Variants in CFAP61 observed in about 807,000 individuals in gnomAD.
The protein encoded by CFAP61 is cilia- and flagella-associated protein 61.
A neutral mutation model predicts 135.6 loss-of-function variants in CFAP61; 107 were observed. That is an observed-to-expected ratio of 0.79 (90% CI 0.67 to 0.93). The LOEUF (loss-of-function observed/expected upper bound fraction) is 0.93. Among genes scored for constraint, CFAP61 ranks in the 40% least tolerant of loss-of-function variants. The pLI, the probability that CFAP61 is intolerant of heterozygous loss-of-function variation, is 0.00. For synonymous variants in CFAP61, 575 were observed against 578.5 expected (o/e 0.99, Z 0.09); for missense variants, 1,507 against 1,556.2 (o/e 0.97, Z 0.53).
chr20:20,076,355 G>A (rs1365751693), intron 6 of CFAP61, among the ~76,000 whole-genome samples: 1 of 152,172 alleles, frequency 6.6e-6, no homozygotes, highest in Non-Finnish European at 1.5e-5. Flanking sequence ...CAAGGGGAGG[G>A]GTGGTTGACA....
At chr20:20,196,344 A>G (rs2056286758) in intron 15 of CFAP61, among the ~76,000 whole-genome samples, 1 of 152,216 alleles carries the variant, frequency 6.6e-6, no homozygotes, top group East Asian at 1.9e-4. Context: ...GCACATTACA[A>G]GCTGTGCTGC....
At position 20,067,761 on chromosome 20, in the gene CFAP61, TTATATATGTATTTATTA is replaced by T. The variant is rs1428694026; in HGVS notation, c.144-3085_144-3069del. 3.9e-5 allele frequency among the ~76,000 whole-genome samples: 4 copies of T among 103,350 alleles called. No homozygotes were observed. The East Asian group carries it at 1.0e-3, about 27-fold the overall frequency. 67.8% of individuals were successfully genotyped at this position (103,350 alleles called of 152,430 possible). ...TTATATATAATATATATTTATATTA[TTATATATGTATTTATTA>T]TATATATATATATACCTACCTTCTC... On this transcript the variant is annotated intron_variant, in intron 2 of 26. Coordinates refer to ENST00000245957, the MANE Select transcript of CFAP61 (RefSeq NM_015585.4).
At chr20:20,269,168 CATATATGT>C (rs1569219408) in intron 21 of CFAP61, among the ~76,000 whole-genome samples, 3 of 89,208 alleles carry the variant, frequency 3.4e-5, no homozygotes, top group African/African-American at 1.1e-4. Flanking sequence ...CACACACATA[CATATATGT>C]ATATACACAC....
intron 6 of CFAP61, among the ~76,000 whole-genome samples, chr20:20,080,785 C>T (rs953758029): frequency 3.9e-5 from 6 of 152,074 alleles, no homozygotes; most frequent in East Asian, 3.9e-4. Flanking sequence ...AGGCAGATCA[C>T]GAGGTCAAGA....
chr20:20,310,130 G>A (rs1351193268), intron 25 of CFAP61, among the ~76,000 whole-genome samples: 1 of 152,114 alleles, frequency 6.6e-6, no homozygotes, highest in African/African-American at 2.4e-5. Flanking sequence ...GAGTAGCTGG[G>A]TAGCAGGCAT....
intron 25 of CFAP61, among the ~76,000 whole-genome samples, chr20:20,300,916 G>A (rs1346257866): frequency 6.6e-6 from 1 of 151,966 alleles, no homozygotes; most frequent in Non-Finnish European, 1.5e-5. Flanking sequence ...TTGTGCTTGT[G>A]TTTTAAGCTA....
chr20:20,057,111 T>C (rs2044412532), intron 2 of CFAP61, among the ~76,000 whole-genome samples: 1 of 141,368 alleles, frequency 7.1e-6, no homozygotes, highest in Admixed American at 7.2e-5. Context: ...AGCGGACCCC[T>C]GTCTCAATTA....
intron 20 of CFAP61, among the ~76,000 whole-genome samples, chr20:20,255,253 A>G (rs1280577295): frequency 6.6e-6 from 1 of 152,144 alleles, no homozygotes; most frequent in Non-Finnish European, 1.5e-5. Context: ...GCCACTCTCC[A>G]TGACTCATGG....
At chr20:20,305,794 A>AT (rs2056435806) in intron 25 of CFAP61, among the ~76,000 whole-genome samples, 1 of 152,216 alleles carries the variant, frequency 6.6e-6, no homozygotes, top group African/African-American at 2.4e-5. Flanking sequence ...ATCTGCCCTC[A>AT]TAAAAGGCAA....
At chr20:20,233,775 C>T (rs924526550) in intron 18 of CFAP61, among the ~76,000 whole-genome samples, 1 of 152,186 alleles carries the variant, frequency 6.6e-6, no homozygotes, top group African/African-American at 2.4e-5. Context: ...TTATTCACCC[C>T]TGCTCGTTTC....
intron 13 of CFAP61, among the ~76,000 whole-genome samples, chr20:20,181,276 T>TACACACACACACAC (rs74180984): frequency 0.084 from 12,131 of 144,452 alleles, 624 homozygotes; most frequent in Non-Finnish European, 0.11. Flanking sequence ...TGTGTATGTA[T>TACACACACACACAC]ACACACACAC....
At chr20:20,176,662 C>T (rs2054650528) in intron 13 of CFAP61, among the ~76,000 whole-genome samples, 1 of 152,068 alleles carries the variant, frequency 6.6e-6, no homozygotes, top group African/African-American at 2.4e-5. Flanking sequence ...ATGATGAGAA[C>T]ACATGAACAC....
intron 17 of CFAP61, among the ~76,000 whole-genome samples, chr20:20,206,577 C>T (rs1249451938): frequency 1.3e-5 from 2 of 152,134 alleles, no homozygotes; most frequent in Admixed American, 6.5e-5. Context: ...CACGTTGTAG[C>T]GTGTGTATCT....
At chr20:20,062,229 GA>G (rs1158424274) in intron 2 of CFAP61, among the ~76,000 whole-genome samples, 2 of 152,018 alleles carry the variant, frequency 1.3e-5, no homozygotes, top group Admixed American at 6.6e-5. Context: ...ACACATGAGG[GA>G]AAAAAACCGT....
intron 25 of CFAP61, among the ~76,000 whole-genome samples, chr20:20,316,442 G>T (rs1298399456): frequency 6.6e-6 from 1 of 151,830 alleles, no homozygotes; most frequent in Non-Finnish European, 1.5e-5. Context: ...ATTTTGGGCT[G>T]AGACAATGGG....
intron 15 of CFAP61, among the ~76,000 whole-genome samples, chr20:20,195,613 G>A (rs1163957175): frequency 6.6e-6 from 1 of 152,166 alleles, no homozygotes; most frequent in Non-Finnish European, 1.5e-5. Flanking sequence ...GTGGAAACGA[G>A]CAGTGTGCCT....
intron 8 of CFAP61, among the ~76,000 whole-genome samples, chr20:20,122,903 TCAC>T (rs2049775459): frequency 1.3e-5 from 2 of 151,914 alleles, no homozygotes; most frequent in South Asian, 4.1e-4. Context: ...TGTTCCCTGA[TCAC>T]CACATCCACG....
chr20:20,215,608 T>C (rs2047994898), intron 17 of CFAP61, among the ~76,000 whole-genome samples: 1 of 152,208 alleles, frequency 6.6e-6, no homozygotes, highest in Non-Finnish European at 1.5e-5. Flanking sequence ...TTAATTGCAA[T>C]CATCACTGAC....
intron 25 of CFAP61, among the ~76,000 whole-genome samples, chr20:20,305,168 T>G (rs2056396801): frequency 6.6e-6 from 1 of 152,212 alleles, no homozygotes; most frequent in African/African-American, 2.4e-5. Context: ...ATTTACTGGC[T>G]GAGTGTTGCT....
Sources: allele counts gnomAD v4.1 joint callset (sites outside exome capture counted in the v4.1 genomes callset), GRCh38; gene constraint gnomAD v4.1.1; transcripts MANE v1.5; gene names NCBI Gene and HGNC (gene_info 2026-07-23, HGNC 2026-07-21).